Variants in MRPS9 observed in about 807,000 individuals in gnomAD.
The protein encoded by MRPS9 is mitochondrial ribosomal protein S9, also known as small ribosomal subunit protein uS9m.
A neutral mutation model predicts 59.9 loss-of-function variants in MRPS9; 45 were observed. The ratio of observed to expected loss-of-function variants is 0.75; its 90% CI spans 0.59 to 0.96. MRPS9 has a LOEUF of 0.96. MRPS9 is among the 40% of genes least tolerant of loss of function. The probability of loss-of-function intolerance (pLI) is 0.00; values close to 1 mark genes in which losing one functional copy is unlikely to be tolerated. For synonymous variants in MRPS9, 171 were observed against 166.8 expected, an observed-to-expected ratio of 1.03 and a Z score of -0.19; for missense variants, 473 against 481.1, an observed-to-expected ratio of 0.98 and a Z score of 0.16.
At chr2:105,063,276 T>TA (rs1266808171) in intron 2 of MRPS9, among the ~76,000 whole-genome samples, 1 of 152,156 alleles carries the variant, frequency 6.6e-6, no homozygotes, top group Non-Finnish European at 1.5e-5. Context: ...ACCCAGTCTC[T>TA]AAAAAACAAA....
At chr2:105,095,424 CTG>C in intron 9 of MRPS9, among the ~76,000 whole-genome samples, 1 of 151,376 alleles carries the variant, frequency 6.6e-6, no homozygotes, top group Non-Finnish European at 1.5e-5. Flanking sequence ...GGATATATAA[CTG>C]AGTCATGGAG....
Position 105,062,150 on chromosome 2 carries a change from ACT to A in MRPS9, c.316-9156_316-9155del, listed in dbSNP as rs371481070. 5.3e-5 allele frequency among the ~76,000 whole-genome samples: 8 copies of A among 151,028 alleles called. No homozygotes were observed. The South Asian group carries it at 1.3e-3, about 24-fold the overall frequency. On this transcript the variant is annotated intron_variant, in intron 2 of 10. Transcript: ENST00000258455. ...ACACTTCTGTTACACACACACACAC[ACT>A]CTCTCTGTCTGTCTTTCTCTCTTAC... is the stretch of plus-strand genomic sequence containing the variant.
At chr2:105,084,247 A>ATATATATATATATATATATATAT (rs1680403807) in intron 5 of MRPS9, among the ~76,000 whole-genome samples, 4 of 139,604 alleles carry the variant, frequency 2.9e-5, no homozygotes, top group African/African-American at 1.0e-4. Flanking sequence ...TATATACCAA[A>ATATATATATATATATATATATAT]ATATATATAT....
chr2:105,080,192 G>A, intron 5 of MRPS9, 130 bp downstream of exon 5: 1 of 513,232 alleles, frequency 1.9e-6, no homozygotes, highest in Non-Finnish European at 3.3e-6. Context: ...TCTAGAGGTA[G>A]GACAGTGTGT....
chr2:105,072,150 T>G (rs73945029), intron 4 of MRPS9, among the ~76,000 whole-genome samples: 30,234 of 152,180 alleles, frequency 0.2, 3,132 homozygotes, highest in Middle Eastern at 0.35. Flanking sequence ...CTAGAAATCA[T>G]TTCTTTAAAA....
At chr2:105,091,782 G>C (rs1373682688) in intron 7 of MRPS9, among the ~76,000 whole-genome samples, 1 of 151,940 alleles carries the variant, frequency 6.6e-6, no homozygotes, top group Non-Finnish European at 1.5e-5. Flanking sequence ...CTAATCACAT[G>C]TTCAAGAACT....
chr2:105,065,628 A>G (rs916408623), intron 2 of MRPS9, among the ~76,000 whole-genome samples: 2 of 152,172 alleles, frequency 1.3e-5, no homozygotes, highest in African/African-American at 4.8e-5. Context: ...AGTGAGGATT[A>G]TGTTATTATT....
chr2:105,050,482 A>G (rs1350578449), intron 2 of MRPS9, among the ~76,000 whole-genome samples: 2 of 152,166 alleles, frequency 1.3e-5, no homozygotes, highest in Non-Finnish European at 2.9e-5. Context: ...GTGATTTGTA[A>G]TTAGGGACTT....
At chr2:105,052,990 G>A (rs1679739176) in intron 2 of MRPS9, among the ~76,000 whole-genome samples, 1 of 152,166 alleles carries the variant, frequency 6.6e-6, no homozygotes, top group Non-Finnish European at 1.5e-5. Context: ...TGGAACTCTT[G>A]GCATCAGGCC....
At chr2:105,065,354 C>T (rs2217420) in intron 2 of MRPS9, among the ~76,000 whole-genome samples, 113,904 of 152,104 alleles carry the variant, frequency 0.75, 43,159 homozygotes, top group African/African-American at 0.87. Flanking sequence ...TTGCCATTTA[C>T]TTCAGTGTAA....
intron 9 of MRPS9, 107 bp from the exon 10 acceptor site, chr2:105,097,048 A>G: frequency 8.6e-7 from 1 of 1,161,676 alleles, no homozygotes; most frequent in South Asian, 2.2e-5. Flanking sequence ...AAAGTATAAC[A>G]GTGGCATGCA....
rs112724354 is a variant in MRPS9 at position 105,087,868 on chromosome 2, A to G, written c.490-1116A>G. Among the ~76,000 whole-genome samples, 519 of 141,542 alleles carry G rather than the reference A, an allele frequency of 3.7e-3. 1 individual carries two copies. The highest frequency in any genetic ancestry group is 7.6e-3 in the Admixed American group (104 of 13,616). 92.9% of individuals were successfully genotyped at this position (141,542 alleles called of 152,430 possible). A position where few individuals can be genotyped will look rare whatever the true frequency, so the allele number is the denominator to read the frequency against. ...CAAAACAGGTTGCAGAGTGAAGACCATGCTAAAATGCAAGCACTAGTAAAT... is the reference window on the plus strand; with the variant it reads ...CAAAACAGGTTGCAGAGTGAAGACCGTGCTAAAATGCAAGCACTAGTAAAT... On this transcript the variant is annotated intron_variant, in intron 5 of 10. Coordinates refer to ENST00000258455, the MANE Select transcript of MRPS9 (RefSeq NM_182640.3).
chr2:105,087,039 C>T (rs926246578), intron 5 of MRPS9, among the ~76,000 whole-genome samples: 4 of 152,084 alleles, frequency 2.6e-5, no homozygotes, highest in Non-Finnish European at 5.9e-5. Context: ...GTATTGTAGC[C>T]TTTAAAAGTG....
intron 1 of MRPS9, among the ~76,000 whole-genome samples, chr2:105,040,802 A>C (rs1679487895): frequency 6.6e-6 from 1 of 152,240 alleles, no homozygotes; most frequent in African/African-American, 2.4e-5. Flanking sequence ...AGAAGAGCAC[A>C]GAAGTAATAT....
chr2:105,056,892 T>C (rs1463570411), intron 2 of MRPS9, among the ~76,000 whole-genome samples: 2 of 152,182 alleles, frequency 1.3e-5, no homozygotes, highest in East Asian at 1.9e-4. Context: ...GTGGTACTTA[T>C]TTTAAAGTTT....
At chr2:105,045,457 G>A (rs1176240658) in intron 1 of MRPS9, among the ~76,000 whole-genome samples, 2 of 151,414 alleles carry the variant, frequency 1.3e-5, no homozygotes, top group East Asian at 1.9e-4. Flanking sequence ...TGTAACTTGG[G>A]TATTCTCATC....
At chr2:105,047,448 G>A (rs1679613695) in intron 1 of MRPS9, among the ~76,000 whole-genome samples, 1 of 151,836 alleles carries the variant, frequency 6.6e-6, no homozygotes, top group Non-Finnish European at 1.5e-5. Flanking sequence ...ACAAATTACT[G>A]TAGAGGCATC....
intron 5 of MRPS9, among the ~76,000 whole-genome samples, chr2:105,083,949 A>C (rs559108679): frequency 3.4e-4 from 52 of 152,158 alleles, no homozygotes; most frequent in Non-Finnish European, 6.9e-4. Context: ...TTGTCATTGT[A>C]GGCATTACTC....
At chr2:105,052,019 C>T (rs1265104416) in intron 2 of MRPS9, among the ~76,000 whole-genome samples, 1 of 152,026 alleles carries the variant, frequency 6.6e-6, no homozygotes, top group African/African-American at 2.4e-5. Flanking sequence ...TTACGAATCC[C>T]AAAGAATCCA....
Sources: gnomAD v4.1 joint callset for allele counts (sites outside exome capture counted in the v4.1 genomes callset) on GRCh38, gnomAD v4.1.1 for gene constraint, MANE v1.5 for transcripts, NCBI Gene and HGNC (gene_info 2026-07-23, HGNC 2026-07-21) for gene names.